Variants in ERBB4 observed in about 807,000 individuals in gnomAD.
ERBB4 encodes erb-b2 receptor tyrosine kinase 4.
In ERBB4, 42 loss-of-function variants were observed where a neutral mutation model predicts 158.0. The observed-to-expected ratio is 0.27, with a 90% confidence interval of 0.21 to 0.34. The LOEUF (loss-of-function observed/expected upper bound fraction) is 0.34. Ranked by LOEUF, ERBB4 falls within the 10% of genes least tolerant of loss-of-function variation. ERBB4 has a pLI of 1.00. For synonymous variants in ERBB4, 583 were observed against 558.7 expected, an observed-to-expected ratio of 1.04 and a Z score of -0.61; for missense variants, 1,333 against 1,624.1, an observed-to-expected ratio of 0.82 and a Z score of 3.08.
At chr2:212,124,463 G>A in intron 2 of ERBB4, 1 of 410,002 alleles carries the variant, frequency 2.4e-6, no homozygotes, top group South Asian at 2.3e-5. Context: ...CTAGTTCACA[G>A]CTTGTCAGAA....
At chr2:211,826,861 T>G (rs554623081) in intron 3 of ERBB4, among the ~76,000 whole-genome samples, 1 of 152,206 alleles carries the variant, frequency 6.6e-6, no homozygotes, top group South Asian at 2.1e-4. Flanking sequence ...AAGGCAATCC[T>G]TAGAGTTTAA....
At chr2:212,026,751 G>T (rs2076780927) in intron 2 of ERBB4, among the ~76,000 whole-genome samples, 1 of 151,744 alleles carries the variant, frequency 6.6e-6, no homozygotes, top group Non-Finnish European at 1.5e-5. Flanking sequence ...TATGCCTATG[G>T]CTGAAATTCA....
Position 212,180,918 on chromosome 2 carries a change from A to T in ERBB4, c.83-56015T>A, listed in dbSNP as rs914916322. Among the ~76,000 whole-genome samples the T allele has an allele frequency of 3.3e-5, 5 of 151,832 alleles. No homozygotes were observed. In the East Asian group the frequency reaches 9.7e-4, roughly 29 times the overall value. On this transcript the variant is annotated intron_variant, in intron 1 of 27. Transcript: ENST00000342788. ...TGCACTTCTGTACAGTAATTCCATT[A>T]TACTAATTACTAGTACTTAACTCCT...
At chr2:211,706,601 C>CAAAA (rs201615846) in intron 9 of ERBB4, among the ~76,000 whole-genome samples, 1 of 94,476 alleles carries the variant, frequency 1.1e-5, no homozygotes, top group Non-Finnish European at 2.3e-5. Context: ...CTTAAAAAAA[C>CAAAA]AAAAAAAAAA....
At chr2:211,683,465 T>C (rs1409760002) in intron 12 of ERBB4, among the ~76,000 whole-genome samples, 5 of 152,208 alleles carry the variant, frequency 3.3e-5, no homozygotes, top group Admixed American at 3.3e-4. Context: ...GGCATTTTTG[T>C]CAATTAGAAT....
At chr2:212,094,099 C>G (rs949604420) in intron 2 of ERBB4, among the ~76,000 whole-genome samples, 3 of 151,932 alleles carry the variant, frequency 2.0e-5, no homozygotes, top group African/African-American at 7.2e-5. Context: ...CTCCAAATCT[C>G]ATGTTGAAAT....
At chr2:212,306,077 A>G (rs1388587351) in intron 1 of ERBB4, among the ~76,000 whole-genome samples, 1 of 151,504 alleles carries the variant, frequency 6.6e-6, no homozygotes, top group East Asian at 2.0e-4. Context: ...ATATACATAT[A>G]TACTGATAAA....
chr2:211,690,707 G>T (rs1471496769), intron 12 of ERBB4, among the ~76,000 whole-genome samples: 1 of 152,106 alleles, frequency 6.6e-6, no homozygotes, highest in Non-Finnish European at 1.5e-5. Context: ...ATTCTTAAGA[G>T]AAAAGAAATT....
chr2:211,851,579 T>G (rs1293161010), intron 3 of ERBB4, among the ~76,000 whole-genome samples: 1 of 151,890 alleles, frequency 6.6e-6, no homozygotes, highest in Non-Finnish European at 1.5e-5. Flanking sequence ...AACAAACATA[T>G]GTAAGTTGAA....
At chr2:211,539,460 T>A (rs139072910) in intron 20 of ERBB4, among the ~76,000 whole-genome samples, 141 of 152,176 alleles carry the variant, frequency 9.3e-4, no homozygotes, top group African/African-American at 3.2e-3. Flanking sequence ...CGTCTTTTTG[T>A]GCAACCCTTC....
intron 1 of ERBB4, among the ~76,000 whole-genome samples, chr2:212,278,822 T>A (rs966869759): frequency 6.6e-6 from 1 of 151,676 alleles, no homozygotes; most frequent in Non-Finnish European, 1.5e-5. Context: ...ATTCCTAGCA[T>A]AATCGGTCAC....
chr2:211,599,387 T>G (rs1447116583), intron 19 of ERBB4, among the ~76,000 whole-genome samples: 1 of 152,212 alleles, frequency 6.6e-6, no homozygotes, highest in African/African-American at 2.4e-5. Context: ...TGGGCTCTTT[T>G]TACTTCTGCC....
At chr2:212,405,747 G>A (rs1455399133) in intron 1 of ERBB4, among the ~76,000 whole-genome samples, 2 of 152,090 alleles carry the variant, frequency 1.3e-5, no homozygotes, top group Non-Finnish European at 2.9e-5. Flanking sequence ...CTAGGGAGCA[G>A]CCACACTTAG....
chr2:211,691,588 G>GTGTGTA (rs1397620971), intron 12 of ERBB4, among the ~76,000 whole-genome samples: 1 of 146,368 alleles, frequency 6.8e-6, no homozygotes, highest in Non-Finnish European at 1.5e-5. Context: ...GTGTGTGTGT[G>GTGTGTA]TGTGTGTGTG....
At chr2:212,137,540 G>T (rs1336049322) in intron 1 of ERBB4, among the ~76,000 whole-genome samples, 1 of 152,096 alleles carries the variant, frequency 6.6e-6, no homozygotes, top group East Asian at 1.9e-4. Flanking sequence ...GTATTCCATG[G>T]TGTATATGTA....
At chr2:212,153,575 C>T (rs1024992022) in intron 1 of ERBB4, among the ~76,000 whole-genome samples, 7 of 152,104 alleles carry the variant, frequency 4.6e-5, no homozygotes, top group Admixed American at 1.3e-4. Context: ...GCCAACACCG[C>T]ATATTGTTGT....
At chr2:211,705,467 T>G (rs2073404512) in intron 9 of ERBB4, 76 bp from the exon 10 acceptor site, 1 of 968,504 alleles carries the variant, frequency 1.0e-6, no homozygotes, top group Non-Finnish European at 1.7e-6. Context: ...GTGACAATAT[T>G]TTATTCAAAT....
intron 3 of ERBB4, among the ~76,000 whole-genome samples, chr2:211,846,019 C>T (rs941572672): frequency 6.7e-6 from 1 of 148,300 alleles, no homozygotes; most frequent in Admixed American, 6.8e-5. Flanking sequence ...GCATAACTGA[C>T]AATTTTTTTC....
intron 3 of ERBB4, among the ~76,000 whole-genome samples, chr2:211,888,401 T>C (rs1430767528): frequency 1.3e-5 from 2 of 152,246 alleles, no homozygotes; most frequent in African/African-American, 4.8e-5. Context: ...ATTATATATT[T>C]CACAAGAATG....
Sources: gnomAD v4.1 joint callset for allele counts (sites outside exome capture counted in the v4.1 genomes callset) on GRCh38, gnomAD v4.1.1 for gene constraint, MANE v1.5 for transcripts, NCBI Gene and HGNC (gene_info 2026-07-23, HGNC 2026-07-21) for gene names.